The following SOX5 variants were observed in gnomAD, a reference collection of about 807,000 sequenced individuals.
The protein encoded by SOX5 is transcription factor SOX-5.
In SOX5, 9 loss-of-function variants were observed where a neutral mutation model predicts 92.0. The observed-to-expected ratio is 0.10, with a 90% CI of 0.06 to 0.17. The LOEUF (loss-of-function observed/expected upper bound fraction) is 0.17. Ranked by LOEUF, SOX5 falls within the 10% of genes least tolerant of loss-of-function variation. SOX5 has a pLI of 1.00. For missense variants in SOX5, 642 were observed against 944.5 expected (o/e 0.68, Z 4.20); for synonymous variants, 344 against 336.3 (o/e 1.02, Z -0.25).
At chr12:24,417,828 G>T (rs756341237) in intron 1 of SOX5, among the ~76,000 whole-genome samples, 2 of 152,082 alleles carry the variant, frequency 1.3e-5, no homozygotes, top group South Asian at 2.1e-4. Flanking sequence ...TGGAACACAG[G>T]GTATATGAGA....
intron 4 of SOX5, among the ~76,000 whole-genome samples, chr12:24,148,281 G>A (rs1951275817): frequency 6.6e-6 from 1 of 151,986 alleles, no homozygotes; most frequent in Non-Finnish European, 1.5e-5. Flanking sequence ...CAGATCACAA[G>A]GTCAGGAGTT....
intron 6 of SOX5, among the ~76,000 whole-genome samples, chr12:23,730,438 T>C (rs1299972077): frequency 4.6e-5 from 7 of 152,162 alleles, no homozygotes; most frequent in East Asian, 1.9e-4. Flanking sequence ...AAGAGTCTCA[T>C]AGAAAAGTGG....
intron 4 of SOX5, among the ~76,000 whole-genome samples, chr12:24,118,944 G>C (rs978065451): frequency 2.0e-5 from 3 of 152,114 alleles, no homozygotes; most frequent in Middle Eastern, 6.3e-3. Context: ...AAATCTTTGA[G>C]AGTTTTGATC....
intron 2 of SOX5, among the ~76,000 whole-genome samples, chr12:23,885,907 G>C (rs1342743286): frequency 2.0e-5 from 3 of 151,678 alleles, no homozygotes; most frequent in Admixed American, 6.6e-5. Flanking sequence ...AGATCAAAAT[G>C]GGTAGCATAC....
chr12:23,591,266 C>T (rs149499398), intron 9 of SOX5, among the ~76,000 whole-genome samples: 1 of 152,040 alleles, frequency 6.6e-6, no homozygotes, highest in East Asian at 1.9e-4. Context: ...AATGATATTA[C>T]AAACTATGAT....
chr12:24,433,823 T>G (rs938174243), intron 1 of SOX5, among the ~76,000 whole-genome samples: 2 of 152,158 alleles, frequency 1.3e-5, no homozygotes, highest in African/African-American at 2.4e-5. Context: ...ATTAGAACTC[T>G]GACAGTGCCA....
At chr12:23,711,389 A>G (rs2092037603) in intron 6 of SOX5, among the ~76,000 whole-genome samples, 2 of 152,210 alleles carry the variant, frequency 1.3e-5, no homozygotes, top group Non-Finnish European at 2.9e-5. Flanking sequence ...TCAAAGCTAT[A>G]AAATACAGGC....
At chr12:23,997,004 G>C (rs144423205) in intron 4 of SOX5, among the ~76,000 whole-genome samples, 23 of 152,228 alleles carry the variant, frequency 1.5e-4, no homozygotes, top group Admixed American at 3.3e-4. Flanking sequence ...TTGAAGGAGA[G>C]TCTTTTTGAA....
rs374145843 is a variant in SOX5, at chr12:23,556,372, CAAAT to C, written c.1488+6882_1488+6885del. Among the ~76,000 whole-genome samples the C allele has an allele frequency of 1.5e-3, 234 of 152,064 alleles. 1 individual carries two copies. The highest frequency in any genetic ancestry group is 5.4e-3 in the African/African-American group (222 of 41,482). ...TTGTGTATCTTTTAATTAAAGTCAC[CAAAT>C]AAATAATTACATGTAAATGTAGAGA... On this transcript the variant is annotated intron_variant, in intron 11 of 14. Transcript: ENST00000451604.
At chr12:24,351,716 T>A (rs558018854) in intron 2 of SOX5, among the ~76,000 whole-genome samples, 1 of 152,312 alleles carries the variant, frequency 6.6e-6, no homozygotes, top group Admixed American at 6.5e-5. Flanking sequence ...ATTACATGAA[T>A]ACAATGGAGA....
intron 11 of SOX5, among the ~76,000 whole-genome samples, chr12:23,555,188 A>C (rs761927277): frequency 5.3e-5 from 8 of 152,150 alleles, no homozygotes; most frequent in Non-Finnish European, 8.8e-5. Context: ...TTATGGAAAT[A>C]ATATACTTAA....
intron 4 of SOX5, among the ~76,000 whole-genome samples, chr12:24,176,050 G>C (rs565383957): frequency 1.6e-4 from 25 of 152,072 alleles, no homozygotes; most frequent in African/African-American, 5.8e-4. Context: ...AAACGATAAG[G>C]CTGGGTACAG....
intron 8 of SOX5, among the ~76,000 whole-genome samples, chr12:23,614,252 A>C (rs1199583281): frequency 2.6e-5 from 4 of 152,232 alleles, no homozygotes. Flanking sequence ...GTTAACCTTC[A>C]AATCAACCAA....
At chr12:23,710,110 GAC>G (rs1465955395) in intron 6 of SOX5, among the ~76,000 whole-genome samples, 3 of 151,998 alleles carry the variant, frequency 2.0e-5, no homozygotes, top group African/African-American at 7.3e-5. Context: ...GTTACATACA[GAC>G]ACACACCACA....
At chr12:24,055,861 T>A (rs1389554190) in intron 4 of SOX5, among the ~76,000 whole-genome samples, 4 of 152,196 alleles carry the variant, frequency 2.6e-5, no homozygotes, top group East Asian at 3.8e-4. Context: ...TTAGTAAATG[T>A]CATGTTCCTG....
At chr12:24,279,528 A>G (rs1243457833) in intron 2 of SOX5, among the ~76,000 whole-genome samples, 1 of 152,162 alleles carries the variant, frequency 6.6e-6, no homozygotes, top group Admixed American at 6.6e-5. Flanking sequence ...TATCGCTAAT[A>G]TCACTTAAAA....
At chr12:23,537,502 G>A (rs1188923291) in intron 13 of SOX5, among the ~76,000 whole-genome samples, 5 of 152,094 alleles carry the variant, frequency 3.3e-5, no homozygotes, top group Non-Finnish European at 7.4e-5. Flanking sequence ...TATAGCAGAG[G>A]TCACAATTAC....
chr12:24,447,156 T>C (rs1010983550), intron 1 of SOX5, among the ~76,000 whole-genome samples: 13 of 152,342 alleles, frequency 8.5e-5, no homozygotes, highest in Admixed American at 2.6e-4. Flanking sequence ...GGGGCTGCTC[T>C]TCCAACGAGA....
At chr12:24,282,192 A>G (rs1945289600) in intron 2 of SOX5, among the ~76,000 whole-genome samples, 1 of 152,210 alleles carries the variant, frequency 6.6e-6, no homozygotes, top group Admixed American at 6.5e-5. Flanking sequence ...CACAAAGAAA[A>G]GGGATAAACG....
Sources: allele counts gnomAD v4.1 joint callset (sites outside exome capture counted in the v4.1 genomes callset), GRCh38; gene constraint gnomAD v4.1.1; transcripts MANE v1.5; gene names NCBI Gene and HGNC (gene_info 2026-07-23, HGNC 2026-07-21).